ADGRL3: variants seen among roughly 807,000 people sequenced by gnomAD.
ADGRL3 encodes the protein calcium-independent alpha-latrotoxin receptor 3.
In ADGRL3, 62 loss-of-function variants were observed where a neutral mutation model predicts 153.5. The observed-to-expected ratio is 0.40, with a 90% confidence interval of 0.33 to 0.50. The LOEUF (loss-of-function observed/expected upper bound fraction) is 0.50, where lower values mean the gene tolerates loss of function less well. Ranked by LOEUF, ADGRL3 falls within the 20% of genes least tolerant of loss-of-function variation. The probability of loss-of-function intolerance (pLI) is 0.47; values close to 1 mark genes in which losing one functional copy is unlikely to be tolerated. For synonymous variants in ADGRL3, 710 were observed against 672.5 expected (o/e 1.06, Z -0.86); for missense variants, 1,641 against 1,859.4 (o/e 0.88, Z 2.16).
chr4:62,010,364 A>G (rs1262676007), intron 21 of ADGRL3, among the ~76,000 whole-genome samples: 1 of 152,138 alleles, frequency 6.6e-6, no homozygotes, highest in East Asian at 1.9e-4. Flanking sequence ...GGCACATGGA[A>G]GATTCCAAGG....
intron 17 of ADGRL3, among the ~76,000 whole-genome samples, chr4:61,970,905 AT>A (rs1262935710): frequency 6.6e-6 from 1 of 152,084 alleles, no homozygotes; most frequent in African/African-American, 2.4e-5. Context: ...CAAGAGTTAG[AT>A]CAATGCCAGG....
intron 8 of ADGRL3, among the ~76,000 whole-genome samples, chr4:61,788,827 GAAACTAATTAGTGCTTTTTCC>G (rs1166784552): frequency 6.6e-6 from 1 of 152,108 alleles, no homozygotes; most frequent in Admixed American, 6.5e-5. Flanking sequence ...TACAATTAAG[GAAACTAATTAGTGCTTTTTCC>G]AAAATAAGAT....
chr4:61,321,027 C>G (rs116579591), intron 1 of ADGRL3, among the ~76,000 whole-genome samples: 4 of 152,306 alleles, frequency 2.6e-5, no homozygotes, highest in Non-Finnish European at 4.4e-5. Flanking sequence ...CTCTCGAGCT[C>G]TCTGTTCTAT....
In ADGRL3 at chr4:61,719,604, C is replaced by CTTT. The variant is rs11383976; in HGVS notation, c.584-11004_584-11002dup. ...TGCATTTCTTTCACCTCTGTCATACCTTTTTTTTTTTTTTTTAAGACAGAG... is the reference window on the plus strand; with the variant it reads ...TGCATTTCTTTCACCTCTGTCATACCTTTTTTTTTTTTTTTTTTTAAGACAGAG... On this transcript the variant is annotated intron_variant, in intron 6 of 26. Coordinates refer to ENST00000683033, the MANE Select transcript of ADGRL3 (RefSeq NM_001387552.1). 1.5e-3 allele frequency among the ~76,000 whole-genome samples: 203 copies of CTTT among 137,050 alleles called. 1 individual carries two copies. The highest frequency in any genetic ancestry group is 5.3e-3 in the African/African-American group (195 of 36,746). The allele number at this position is 137,050 out of a possible 152,430, so 89.9% of individuals were successfully genotyped here. A position where few individuals can be genotyped will look rare whatever the true frequency, so the allele number is the denominator to read the frequency against.
At chr4:61,212,118 G>T (rs1005420829) in intron 1 of ADGRL3, 1 of 152,022 alleles carries the variant, frequency 6.6e-6, no homozygotes, top group Non-Finnish European at 1.5e-5. Flanking sequence ...AGAACAAATT[G>T]TTCTAAAACC....
At chr4:61,404,215 T>C (rs1383727185) in intron 2 of ADGRL3, among the ~76,000 whole-genome samples, 1 of 152,094 alleles carries the variant, frequency 6.6e-6, no homozygotes, top group African/African-American at 2.4e-5. Flanking sequence ...AAATAAATTG[T>C]CTGAATGAAT....
chr4:61,833,227 A>C (rs1365640421), intron 9 of ADGRL3, among the ~76,000 whole-genome samples: 1 of 152,178 alleles, frequency 6.6e-6, no homozygotes, highest in Non-Finnish European at 1.5e-5. Flanking sequence ...TAAGGAGCAT[A>C]GTTCTTGCAA....
At chr4:61,306,837 C>T (rs1329237459) in intron 1 of ADGRL3, among the ~76,000 whole-genome samples, 1 of 152,194 alleles carries the variant, frequency 6.6e-6, no homozygotes, top group East Asian at 1.9e-4. Flanking sequence ...ATCATTCCTT[C>T]ACGTGTGCAA....
intron 13 of ADGRL3, among the ~76,000 whole-genome samples, chr4:61,930,545 A>T (rs916042608): frequency 4.6e-5 from 7 of 152,216 alleles, no homozygotes; most frequent in African/African-American, 1.7e-4. Flanking sequence ...AGAAAGTGTA[A>T]TTATAAAGTA....
At chr4:61,887,621 C>A (rs1020133856) in intron 9 of ADGRL3, among the ~76,000 whole-genome samples, 6 of 152,074 alleles carry the variant, frequency 3.9e-5, no homozygotes, top group African/African-American at 1.4e-4. Context: ...CCGAAGAGGG[C>A]AGATCGCAAG....
rs899098235 is a variant in ADGRL3, at chr4:61,717,920, G to A, written c.584-12702G>A. ...ATGGTGGTACATGCCTGTAGTCCTA[G>A]CTACTCGGGTGGCTGAGGAGGGAGG... On this transcript the variant is annotated intron_variant, in intron 6 of 26. Coordinates refer to ENST00000683033, the MANE Select transcript of ADGRL3 (RefSeq NM_001387552.1). Among the ~76,000 whole-genome samples, 7 of 152,230 alleles carry A rather than the reference G, an allele frequency of 4.6e-5. 2 individuals are homozygous for A. The South Asian group carries it at 1.4e-3, about 32-fold the overall frequency.
Position 61,309,790 on chromosome 4 carries a change from G to A in ADGRL3, c.-239-73334G>A, listed in dbSNP as rs190280407. On this transcript the variant is annotated intron_variant, in intron 1 of 26. Transcript: ENST00000683033. ...CCATAAATCATCTTTCCAAGAAAGC[G>A]AGCTGTTCTTGCAATAGGATGGCAG... Among the ~76,000 whole-genome samples the A allele has an allele frequency of 1.9e-3, 287 of 152,160 alleles. 2 individuals carry two copies. The highest frequency in any genetic ancestry group is 6.6e-3 in the African/African-American group (273 of 41,544).
intron 1 of ADGRL3, among the ~76,000 whole-genome samples, chr4:61,313,805 G>A (rs1008335487): frequency 6.6e-6 from 1 of 152,140 alleles, no homozygotes. Flanking sequence ...TTAGTTCCGG[G>A]TCTTAGGTGA....
chr4:61,623,037 A>C (rs902607902), intron 5 of ADGRL3, among the ~76,000 whole-genome samples: 1 of 152,110 alleles, frequency 6.6e-6, no homozygotes, highest in Non-Finnish European at 1.5e-5. Context: ...TAGACCGATA[A>C]ATAGAAAATG....
chr4:61,374,386 A>G (rs2096578775), intron 1 of ADGRL3, among the ~76,000 whole-genome samples: 1 of 152,146 alleles, frequency 6.6e-6, no homozygotes, highest in African/African-American at 2.4e-5. Flanking sequence ...GGGCCTCTCC[A>G]TGAAGTTGAG....
At chr4:61,660,621 G>A (rs2094567451) in intron 5 of ADGRL3, among the ~76,000 whole-genome samples, 1 of 152,114 alleles carries the variant, frequency 6.6e-6, no homozygotes, top group African/African-American at 2.4e-5. Context: ...TTAATCAGGA[G>A]TATTCTAACT....
intron 4 of ADGRL3, among the ~76,000 whole-genome samples, chr4:61,532,547 C>CACGT (rs1553956713): frequency 1.6e-5 from 1 of 62,184 alleles, no homozygotes; most frequent in African/African-American, 4.7e-5. Flanking sequence ...CGCGCGCGCG[C>CACGT]GCGCGCGCGT....
At chr4:61,282,392 C>G (rs2093755342) in intron 1 of ADGRL3, among the ~76,000 whole-genome samples, 2 of 151,972 alleles carry the variant, frequency 1.3e-5, no homozygotes, top group African/African-American at 4.8e-5. Flanking sequence ...CATTTTACAT[C>G]AGATTTAAAA....
intron 6 of ADGRL3, among the ~76,000 whole-genome samples, chr4:61,700,440 G>C (rs1332971474): frequency 6.6e-6 from 1 of 152,100 alleles, no homozygotes; most frequent in Non-Finnish European, 1.5e-5. Flanking sequence ...ATTACAAAAC[G>C]GTTTTATAGA....
Sources: allele counts gnomAD v4.1 joint callset (sites outside exome capture counted in the v4.1 genomes callset), GRCh38; gene constraint gnomAD v4.1.1; transcripts MANE v1.5; gene names NCBI Gene and HGNC (gene_info 2026-07-23, HGNC 2026-07-21).